TMEM132B: variants seen among roughly 807,000 people sequenced by gnomAD.
TMEM132B encodes the protein transmembrane protein 132B.
In TMEM132B, 18 loss-of-function variants were observed where a neutral mutation model predicts 90.8. The observed-to-expected ratio is 0.20, with a 90% CI of 0.14 to 0.29. The LOEUF (loss-of-function observed/expected upper bound fraction) is 0.29. Among genes scored for constraint, TMEM132B ranks in the 10% least tolerant of loss-of-function variants. The probability of loss-of-function intolerance (pLI) is 1.00; values close to 1 mark genes in which losing one functional copy is unlikely to be tolerated. For synonymous variants in TMEM132B, 504 were observed against 523.3 expected (o/e 0.96, Z 0.50); for missense variants, 1,096 against 1,326.8 (o/e 0.83, Z 2.70).
At chr12:125,580,228 C>T (rs1253375065) in intron 4 of TMEM132B, among the ~76,000 whole-genome samples, 1 of 152,190 alleles carries the variant, frequency 6.6e-6, no homozygotes, top group African/African-American at 2.4e-5. Context: ...AGGAATATGT[C>T]ATAGCCTTTC....
chr12:125,575,057 C>CATATATATATATATATATAT (rs147688714), intron 4 of TMEM132B, among the ~76,000 whole-genome samples: 713 of 43,722 alleles, frequency 0.016, 123 homozygotes, highest in East Asian at 0.041. Context: ...TATTAGCTGT[C>CATATATATATATATATATAT]ATATATATAT....
intron 5 of TMEM132B, among the ~76,000 whole-genome samples, chr12:125,633,770 C>T (rs1259647183): frequency 6.6e-6 from 1 of 152,194 alleles, no homozygotes; most frequent in Non-Finnish European, 1.5e-5. Context: ...TTCTTCCAAA[C>T]AAATGGAGTC....
chr12:125,200,151 T>C (rs1239149254), intron 1 of TMEM132B, among the ~76,000 whole-genome samples: 1 of 152,220 alleles, frequency 6.6e-6, no homozygotes, highest in East Asian at 1.9e-4. Context: ...GATTTCATTC[T>C]GCCTTCTAAG....
chr12:125,534,831 A>G (rs561010552), intron 4 of TMEM132B, among the ~76,000 whole-genome samples: 4 of 152,352 alleles, frequency 2.6e-5, no homozygotes, highest in African/African-American at 9.6e-5. Flanking sequence ...CATTAGCTTC[A>G]TGTGGCTATT....
chr12:125,463,841 ACT>A (rs1488483518), intron 3 of TMEM132B, among the ~76,000 whole-genome samples: 4 of 152,152 alleles, frequency 2.6e-5, no homozygotes, highest in Non-Finnish European at 2.9e-5. Flanking sequence ...GGTTTAATTG[ACT>A]CACAGTTCTG....
chr12:125,520,250 C>T (rs57211468), intron 4 of TMEM132B, among the ~76,000 whole-genome samples: 28,225 of 152,094 alleles, frequency 0.19, 3,110 homozygotes, highest in Non-Finnish European at 0.26. Flanking sequence ...GATTCCAGAG[C>T]CTAAATTCCA....
At chr12:125,516,141 ACT>A (rs1285638599) in intron 3 of TMEM132B, among the ~76,000 whole-genome samples, 8 of 151,384 alleles carry the variant, frequency 5.3e-5, no homozygotes, top group Non-Finnish European at 7.4e-5. Flanking sequence ...TCACACACAC[ACT>A]CACACACTAT....
chr12:125,319,389 C>T (rs1215210144), intron 1 of TMEM132B, among the ~76,000 whole-genome samples: 1 of 152,208 alleles, frequency 6.6e-6, no homozygotes, highest in Admixed American at 6.5e-5. Context: ...GGTCCCAACG[C>T]CTCCACATTA....
At chr12:125,366,495 T>G (rs1411673358) in intron 2 of TMEM132B, among the ~76,000 whole-genome samples, 1 of 152,182 alleles carries the variant, frequency 6.6e-6, no homozygotes, top group Non-Finnish European at 1.5e-5. Context: ...TTTGATTCAC[T>G]TGCTTTTGAC....
At chr12:125,537,201 G>A (rs1424131552) in intron 4 of TMEM132B, among the ~76,000 whole-genome samples, 2 of 152,164 alleles carry the variant, frequency 1.3e-5, no homozygotes, top group Non-Finnish European at 2.9e-5. Flanking sequence ...CACGGGCTTT[G>A]CATCCCACAA....
intron 1 of TMEM132B, among the ~76,000 whole-genome samples, chr12:125,230,066 A>G (rs1873781863): frequency 6.6e-6 from 1 of 152,210 alleles, no homozygotes; most frequent in African/African-American, 2.4e-5. Context: ...TGGTTCCTCA[A>G]AGGAAAGCTG....
At chr12:125,300,830 C>T (rs535328201) in intron 1 of TMEM132B, 2 of 152,298 alleles carry the variant, frequency 1.3e-5, no homozygotes, top group South Asian at 4.1e-4. Context: ...TTAGGTGCTG[C>T]ACTGGGCGAG....
chr12:125,440,337 T>TTAAAAGAATGATTTAAG (rs1209801762), intron 3 of TMEM132B, among the ~76,000 whole-genome samples: 2 of 152,208 alleles, frequency 1.3e-5, no homozygotes, highest in African/African-American at 4.8e-5. Context: ...ATTCCTCTTT[T>TTAAAAGAATGATTTAAG]TAAAAGAATG....
At chr12:125,621,711 C>T (rs143483131) in intron 5 of TMEM132B, among the ~76,000 whole-genome samples, 235 of 152,252 alleles carry the variant, frequency 1.5e-3, no homozygotes, top group African/African-American at 5.4e-3. Context: ...TATTTCTTAC[C>T]TCTGGTAGAG....
At chr12:125,584,086 C>G in intron 5 of TMEM132B, 92 bp downstream of exon 5, 4 of 1,568,764 alleles carry the variant, frequency 2.5e-6, no homozygotes, top group Non-Finnish European at 1.8e-6. Flanking sequence ...CACTGAGCAT[C>G]CCATGCTCTA....
intron 4 of TMEM132B, among the ~76,000 whole-genome samples, chr12:125,573,967 C>T (rs1482120558): frequency 3.3e-5 from 5 of 152,158 alleles, no homozygotes; most frequent in Non-Finnish European, 4.4e-5. Context: ...CAATTCATCA[C>T]GTTATCTGTT....
At chr12:125,222,159 G>T (rs764245062) in intron 1 of TMEM132B, among the ~76,000 whole-genome samples, 2 of 152,180 alleles carry the variant, frequency 1.3e-5, no homozygotes, top group African/African-American at 4.8e-5. Context: ...AGAAAGGTGG[G>T]AAAGGGAGCA....
chr12:125,536,447 C>T (rs896693368), intron 4 of TMEM132B, among the ~76,000 whole-genome samples: 1 of 152,172 alleles, frequency 6.6e-6, no homozygotes, highest in African/African-American at 2.4e-5. Context: ...ATAGCTAGGA[C>T]TCAAATCCAG....
chr12:125,490,294 A>C lies in TMEM132B; in HGVS notation c.1107-29145A>C, dbSNP rs958000496. ...GAGGAAACTGAAGCGTGAAGAGACTAAACCCAAGGTAACTAAAGACAGAAG... is the reference window on the plus strand; with the variant it reads ...GAGGAAACTGAAGCGTGAAGAGACTCAACCCAAGGTAACTAAAGACAGAAG... On this transcript the variant is annotated intron_variant, in intron 3 of 8. Coordinates refer to ENST00000682704, the MANE Select transcript of TMEM132B (RefSeq NM_001366854.1). The surrounding 1 kb of genome is among the most constrained non-coding windows in gnomAD (Gnocchi z 4.2). Among the ~76,000 whole-genome samples the C allele has an allele frequency of 1.3e-5, 2 of 152,168 alleles. No individual in the cohort carries two copies. The highest frequency in any genetic ancestry group is 2.9e-5 in the Non-Finnish European group (2 of 68,038).
Sources: allele counts gnomAD v4.1 joint callset (sites outside exome capture counted in the v4.1 genomes callset), GRCh38; gene constraint gnomAD v4.1.1; non-coding constraint Gnocchi (gnomAD v3.1); transcripts MANE v1.5; gene names NCBI Gene and HGNC (gene_info 2026-07-23, HGNC 2026-07-21).